The following SLC35F1 variants were observed in gnomAD, a reference collection of about 807,000 sequenced individuals.
SLC35F1 encodes the protein solute carrier family 35 member F1, also known as chromosome 6 open reading frame 169.
SLC35F1 carries 14 observed loss-of-function variants against 48.7 expected under a neutral mutation model. The ratio of observed to expected loss-of-function variants is 0.29; its 90% CI spans 0.19 to 0.45. The LOEUF (loss-of-function observed/expected upper bound fraction) is 0.45. SLC35F1 is among the 20% of genes least tolerant of loss of function. The pLI, the probability that SLC35F1 is intolerant of heterozygous loss-of-function variation, is 1.00. For synonymous variants in SLC35F1, 190 were observed against 202.2 expected (o/e 0.94, Z 0.51); for missense variants, 404 against 500.0 (o/e 0.81, Z 1.83).
intron 1 of SLC35F1, among the ~76,000 whole-genome samples, chr6:117,952,282 A>T (rs1386480393): frequency 6.6e-6 from 1 of 152,016 alleles, no homozygotes; most frequent in Non-Finnish European, 1.5e-5. Flanking sequence ...TAATGTTTTA[A>T]GTTTGTTTTT....
At chr6:118,017,652 G>C (rs1250356014) in intron 1 of SLC35F1, among the ~76,000 whole-genome samples, 1 of 151,976 alleles carries the variant, frequency 6.6e-6, no homozygotes, top group Non-Finnish European at 1.5e-5. Context: ...GTATAAAATA[G>C]CTCCAGCGTA....
intron 1 of SLC35F1, among the ~76,000 whole-genome samples, chr6:117,984,829 A>G (rs1434526385): frequency 6.6e-6 from 1 of 152,220 alleles, no homozygotes; most frequent in East Asian, 1.9e-4. Flanking sequence ...CTTAGAAAGG[A>G]TATGAATTAA....
chr6:118,074,757 C>T (rs1285669802), intron 1 of SLC35F1, among the ~76,000 whole-genome samples: 4 of 152,130 alleles, frequency 2.6e-5, no homozygotes, highest in African/African-American at 7.2e-5. Flanking sequence ...TCAAGTGACC[C>T]TCCACCTCAG....
chr6:117,945,600 G>T (rs187055155), intron 1 of SLC35F1, among the ~76,000 whole-genome samples: 1 of 152,306 alleles, frequency 6.6e-6, no homozygotes, highest in Non-Finnish European at 1.5e-5. Context: ...CTGCTTAAAA[G>T]TTAGTAGCAG....
intron 7 of SLC35F1, among the ~76,000 whole-genome samples, chr6:118,288,688 G>C (rs377427164): frequency 4.6e-5 from 7 of 152,282 alleles, no homozygotes; most frequent in African/African-American, 1.4e-4. Context: ...CAAAAGGAAG[G>C]AGGGTACAGT....
intron 1 of SLC35F1, among the ~76,000 whole-genome samples, chr6:118,127,783 T>C (rs1773649380): frequency 2.0e-5 from 3 of 151,828 alleles, no homozygotes; most frequent in Non-Finnish European, 2.9e-5. Flanking sequence ...CCAAAAGCAA[T>C]GGCAACAAAA....
intron 1 of SLC35F1, among the ~76,000 whole-genome samples, chr6:118,081,449 G>C (rs1027792036): frequency 6.6e-6 from 1 of 151,758 alleles, no homozygotes; most frequent in Non-Finnish European, 1.5e-5. Context: ...TGGGCAACAT[G>C]GTGAGACTCC....
intron 2 of SLC35F1, among the ~76,000 whole-genome samples, chr6:118,231,572 G>A (rs1279795548): frequency 6.6e-6 from 1 of 152,180 alleles, no homozygotes; most frequent in Non-Finnish European, 1.5e-5. Context: ...TTGCCCTCCT[G>A]AATAATTCTG....
chr6:118,047,206 A>G (rs969109000), intron 1 of SLC35F1, among the ~76,000 whole-genome samples: 17 of 152,150 alleles, frequency 1.1e-4, no homozygotes, highest in African/African-American at 4.1e-4. Context: ...TGGTAGTTCT[A>G]TGGTAGATGT....
chr6:117,914,898 T>TA (rs1244257218), intron 1 of SLC35F1, among the ~76,000 whole-genome samples: 1 of 151,894 alleles, frequency 6.6e-6, no homozygotes, highest in Non-Finnish European at 1.5e-5. Flanking sequence ...ACTTAGGGCT[T>TA]AAAAAATATT....
intron 6 of SLC35F1, among the ~76,000 whole-genome samples, chr6:118,281,687 C>T (rs1582768344): frequency 6.6e-6 from 1 of 152,136 alleles, no homozygotes; most frequent in Admixed American, 6.6e-5. Context: ...TTCCCTAGCT[C>T]TTGGGTTGTG....
intron 1 of SLC35F1, 32 bp downstream of exon 1, chr6:117,907,931 G>T (rs1433844798): frequency 7.7e-7 from 1 of 1,300,736 alleles, no homozygotes; most frequent in East Asian, 3.2e-5. Flanking sequence ...GGGCGCGGGG[G>T]GCGGGGGCTG....
At chr6:117,938,517 C>A (rs1357057285) in intron 1 of SLC35F1, among the ~76,000 whole-genome samples, 2 of 152,240 alleles carry the variant, frequency 1.3e-5, no homozygotes, top group Non-Finnish European at 2.9e-5. Flanking sequence ...GGCTCACTGC[C>A]CCCAGCCCAC....
At chr6:118,031,380 C>T (rs147592375) in intron 1 of SLC35F1, among the ~76,000 whole-genome samples, 14 of 152,302 alleles carry the variant, frequency 9.2e-5, no homozygotes, top group Non-Finnish European at 2.9e-5. Flanking sequence ...AAAGGATTCA[C>T]ACAGCTCTGA....
intron 6 of SLC35F1, among the ~76,000 whole-genome samples, chr6:118,284,451 G>C (rs1212364119): frequency 6.6e-6 from 1 of 152,082 alleles, no homozygotes; most frequent in African/African-American, 2.4e-5. Context: ...CCATGTCTAG[G>C]CATAATTACA....
intron 1 of SLC35F1, among the ~76,000 whole-genome samples, chr6:117,923,675 G>GTACATATGTACATATATATATATA (rs1562238724): frequency 2.8e-5 from 1 of 36,306 alleles, no homozygotes; most frequent in Non-Finnish European, 5.1e-5. Flanking sequence ...ATACATATAT[G>GTACATATGTACATATATATATATA]TACATATATA....
At chr6:118,107,088 T>C (rs187829814) in intron 1 of SLC35F1, among the ~76,000 whole-genome samples, 1 of 152,328 alleles carries the variant, frequency 6.6e-6, no homozygotes, top group East Asian at 1.9e-4. Context: ...TCAGTAAGGA[T>C]AGGGATCTAG....
In SLC35F1 at chr6:118,238,760, A is replaced by G. The variant is rs1356294249; in HGVS notation, c.477+3124A>G. ...TCTAGCACTGTATTCTGATTAGGCC[A>G]CACTAATGGCCAAGGGGAATGCTGT... On this transcript the variant is annotated intron_variant, in intron 3 of 7. Transcript: ENST00000360388. Among the ~76,000 whole-genome samples, 3 of 152,300 alleles carry G rather than the reference A, an allele frequency of 2.0e-5. No homozygotes were observed. The East Asian group carries it at 5.8e-4, about 29-fold the overall frequency.
chr6:117,923,597 G>GTATT (rs1562238389), intron 1 of SLC35F1, among the ~76,000 whole-genome samples: 1 of 14,408 alleles, frequency 6.9e-5, no homozygotes, highest in African/African-American at 1.9e-4. Context: ...ATATACATAT[G>GTATT]TGTATATATA....
Sources: allele counts gnomAD v4.1 joint callset (sites outside exome capture counted in the v4.1 genomes callset), GRCh38; gene constraint gnomAD v4.1.1; transcripts MANE v1.5; gene names NCBI Gene and HGNC (gene_info 2026-07-23, HGNC 2026-07-21).